The following CABIN1 variants were observed in gnomAD, a reference collection of about 807,000 sequenced individuals.
CABIN1 encodes calcineurin-binding protein cabin-1.
Under a neutral mutation model 227.7 loss-of-function variants are expected in CABIN1, and 133 were observed. The ratio of observed to expected loss-of-function variants is 0.58; its 90% confidence interval spans 0.51 to 0.67. CABIN1 has a LOEUF of 0.67. Ranked by LOEUF, CABIN1 falls within the 30% of genes least tolerant of loss-of-function variation. The probability of loss-of-function intolerance (pLI) is 0.00; values close to 1 mark genes in which losing one functional copy is unlikely to be tolerated. For synonymous variants in CABIN1, 1,086 were observed against 1,155.1 expected (o/e 0.94, Z 1.21); for missense variants, 2,408 against 2,852.5 (o/e 0.84, Z 3.55).
chr22:24,067,600 A>G (rs1007484722), intron 16 of CABIN1, among the ~76,000 whole-genome samples: 1 of 152,248 alleles, frequency 6.6e-6, no homozygotes, highest in Admixed American at 6.5e-5. Context: ...TGTTGAAGAA[A>G]AATAACACTA....
At chr22:24,109,003 AAC>A (rs1259138343) in intron 26 of CABIN1, among the ~76,000 whole-genome samples, 1 of 152,220 alleles carries the variant, frequency 6.6e-6, no homozygotes. Context: ...CACTGATTCA[AAC>A]ACTTTATGTG....
Position 24,113,680 on chromosome 22 carries a change from G to A in CABIN1, c.4232G>A (p.Arg1411Lys), listed in dbSNP as rs754172965. The change falls in exon 27 of 37, where the codon AGG (arginine) becomes AAG (lysine). Residue 1411 changes from arginine to lysine, a missense_variant. Arg to Lys is a conservative substitution (Grantham distance 26). This residue lies in a region of CABIN1 where 649 missense variants were observed against 910.3 expected (regional missense o/e 0.71). Coordinates refer to ENST00000263119, the MANE Select transcript of CABIN1 (RefSeq NM_012295.4). ...EGSRKSYTEK[R>K]LPILSSQAGA... is the part of the protein sequence containing the mutation. Reference sequence around the variant, plus strand: ...TCCAGGAAATCCTACACAGAGAAGAGGCTGCCCATTCTCAGTTCCCAAGCA... The same window carrying A: ...TCCAGGAAATCCTACACAGAGAAGAAGCTGCCCATTCTCAGTTCCCAAGCA... 1 of 1,614,118 alleles carries A rather than the reference G, an allele frequency of 6.2e-7. No individual in the cohort carries two copies. The highest frequency in any genetic ancestry group is 2.2e-5 in the East Asian group (1 of 44,884).
chr22:24,066,162 T>C lies in CABIN1; in HGVS notation c.2038-825T>C, dbSNP rs191652717. Among the ~76,000 whole-genome samples, 20 of 152,368 alleles carry C rather than the reference T, an allele frequency of 1.3e-4. No homozygotes were observed. The East Asian group carries it at 3.9e-3, about 29-fold the overall frequency. ...CTGAGGAACAAGAGAGCTTCCCATA[T>C]GCTGAGTGGGGCCTCTGTTGGGAAG... On this transcript the variant is annotated intron_variant, in intron 15 of 36. Transcript: ENST00000263119.
chr22:24,158,776 G>A (rs976551615), intron 29 of CABIN1, among the ~76,000 whole-genome samples: 1 of 152,088 alleles, frequency 6.6e-6, no homozygotes, highest in African/African-American at 2.4e-5. Flanking sequence ...CCCTCACCCT[G>A]GATCACTGGG....
intron 3 of CABIN1, 67 bp from the exon 4 acceptor site, chr22:24,038,281 C>T (rs1253152440): frequency 7.8e-7 from 1 of 1,278,344 alleles, no homozygotes; most frequent in Non-Finnish European, 1.1e-6. Context: ...CCGCCTTACA[C>T]ACATTTTTGG....
chr22:24,069,595 C>T (rs887463617), intron 16 of CABIN1, among the ~76,000 whole-genome samples: 9 of 152,192 alleles, frequency 5.9e-5, no homozygotes, highest in African/African-American at 2.2e-4. Flanking sequence ...CTCTGGCTCT[C>T]ACATGTTGGG....
At chr22:24,118,398 G>A (rs1280021163) in intron 27 of CABIN1, among the ~76,000 whole-genome samples, 4 of 152,156 alleles carry the variant, frequency 2.6e-5, no homozygotes, top group Admixed American at 6.5e-5. Context: ...CTTAGCATGC[G>A]GAGAACTGGG....
chr22:24,167,019 G>T lies in CABIN1; in HGVS notation c.5388G>T (p.Glu1796Asp), dbSNP rs1176469830. ...RDRGPESRPT[E>D]LSLEELSISA... ...GGGGCCCCGAGAGCCGGCCCACTGA[G>T]CTGTCCCTGGAGGAGCTGAGCATCA... The change falls in exon 32 of 37, where the codon GAG becomes GAT. Residue 1796 changes from glutamate to aspartate, a missense_variant. By Grantham distance (45) the Glu-to-Asp change is conservative. Around this residue, in one of 3 missense-constraint regions of CABIN1, gnomAD observed 714 missense variants for 773.8 expected, o/e 0.92. Coordinates refer to ENST00000263119, the MANE Select transcript of CABIN1 (RefSeq NM_012295.4). 6.4e-7 allele frequency: 1 copy of T among 1,555,558 alleles called. No homozygotes were observed. The highest frequency in any genetic ancestry group is 1.9e-5 in the Admixed American group (1 of 51,580).
intron 12 of CABIN1, 69 bp from the exon 13 acceptor site, chr22:24,061,878 C>G: frequency 9.1e-7 from 1 of 1,101,234 alleles, no homozygotes. Context: ...CCTTCCACAG[C>G]CCCCTACCCC....
At chr22:24,169,408 AG>A (rs1281116502) in intron 33 of CABIN1, among the ~76,000 whole-genome samples, 2 of 152,072 alleles carry the variant, frequency 1.3e-5, no homozygotes, top group African/African-American at 2.4e-5. Context: ...CTTCCTTCTC[AG>A]TGGAATGGAG....
intron 26 of CABIN1, among the ~76,000 whole-genome samples, chr22:24,109,057 T>G (rs569635548): frequency 6.6e-6 from 1 of 152,156 alleles, no homozygotes; most frequent in Non-Finnish European, 1.5e-5. Context: ...AAGTGGGTGC[T>G]TATGTTATCA....
At chr22:24,125,648 G>A (rs2043676106) in intron 28 of CABIN1, among the ~76,000 whole-genome samples, 1 of 152,216 alleles carries the variant, frequency 6.6e-6, no homozygotes, top group South Asian at 2.1e-4. Context: ...ACAAAGCAGG[G>A]TGTTCGCCTG....
chr22:24,151,745 A>C (rs189567114), intron 29 of CABIN1, among the ~76,000 whole-genome samples: 33 of 151,660 alleles, frequency 2.2e-4, no homozygotes, highest in African/African-American at 6.3e-4. Context: ...ATTCCCTGCA[A>C]CCCCTCTCTC....
At chr22:24,172,054 T>G in intron 34 of CABIN1, 59 bp downstream of exon 34, 1 of 1,560,068 alleles carries the variant, frequency 6.4e-7, no homozygotes. Context: ...AAGTCCTCCC[T>G]GCGGGGAGAG....
At chr22:24,072,293 G>A in intron 17 of CABIN1, 61 bp from the exon 18 acceptor site, 1 of 1,601,808 alleles carries the variant, frequency 6.2e-7, no homozygotes, top group Non-Finnish European at 8.5e-7. Flanking sequence ...CCTCCCTTCA[G>A]TCTGCCCTGA....
chr22:24,138,813 T>C (rs999301865), intron 29 of CABIN1, among the ~76,000 whole-genome samples: 7 of 152,192 alleles, frequency 4.6e-5, no homozygotes, highest in Non-Finnish European at 8.8e-5. Flanking sequence ...AAAATGTTAT[T>C]GGACAAAAAG....
In CABIN1 at chr22:24,091,782, C is replaced by T; in HGVS notation, c.3725C>T (p.Ala1242Val). 6.2e-7 allele frequency: 1 copy of T among 1,613,900 alleles called. No individual in the cohort carries two copies. Among genetic ancestry groups the T allele is most frequent in the Non-Finnish European group, 8.5e-7 (1 of 1,179,956 alleles). ...GGCCACTACCTGCACGAGGAGGCTG[C>T]CCGCTACCCCAAGAAGATCCACTAC... ...QAGHYLHEEA[A>V]RYPKKIHYHN... The change falls in exon 24 of 37, where the codon GCC (alanine) becomes GTC (valine). Residue 1242 changes from alanine (A) to valine (V), a missense_variant. This residue lies in a region of CABIN1 where 649 missense variants were observed against 910.3 expected (regional missense o/e 0.71). Transcript: ENST00000263119.
chr22:24,170,758 C>G (rs995179647), intron 33 of CABIN1, among the ~76,000 whole-genome samples: 12 of 148,194 alleles, frequency 8.1e-5, no homozygotes, highest in Non-Finnish European at 1.5e-4. Context: ...AACTGCCCCC[C>G]CCCCCGCCCC....
chr22:24,048,993 C>G, intron 6 of CABIN1, 98 bp from the exon 7 acceptor site: 2 of 1,414,796 alleles, frequency 1.4e-6, no homozygotes, highest in South Asian at 1.2e-5. Flanking sequence ...CCAGGCATTT[C>G]TTTGATTCTA....
Sources: allele counts gnomAD v4.1 joint callset (sites outside exome capture counted in the v4.1 genomes callset), GRCh38; gene constraint gnomAD v4.1.1; regional missense constraint gnomAD v4.1.1; transcripts MANE v1.5; gene names NCBI Gene and HGNC (gene_info 2026-07-23, HGNC 2026-07-21).